The following PLA2G6 variants were observed in gnomAD, a reference collection of about 807,000 sequenced individuals.
PLA2G6 encodes the protein 85/88 kDa calcium-independent phospholipase A2.
PLA2G6 carries 62 observed loss-of-function variants against 83.8 expected under a neutral mutation model. The ratio of observed to expected loss-of-function variants is 0.74; its 90% CI spans 0.60 to 0.91. The LOEUF (loss-of-function observed/expected upper bound fraction) is 0.91, where lower values mean the gene tolerates loss of function less well. Ranked by LOEUF, PLA2G6 falls within the 40% of genes least tolerant of loss-of-function variation. The probability of loss-of-function intolerance (pLI) is 0.00; values close to 1 mark genes in which losing one functional copy is unlikely to be tolerated. For synonymous variants in PLA2G6, 417 were observed against 449.8 expected (o/e 0.93, Z 0.92); for missense variants, 944 against 1,102.0 (o/e 0.86, Z 2.03).
intron 5 of PLA2G6, chr22:38,138,805 G>C (rs1296584181): frequency 6.6e-6 from 1 of 152,082 alleles, no homozygotes; most frequent in Non-Finnish European, 1.5e-5. Flanking sequence ...GAGTAGCTGG[G>C]ACTACAGGCA....
chr22:38,127,418 C>T (rs1483498670), intron 9 of PLA2G6: 11 of 1,327,134 alleles, frequency 8.3e-6, no homozygotes, highest in Middle Eastern at 2.1e-4. Context: ...CATCTGACGC[C>T]GCACCCCAGG....
chr22:38,167,505 G>A lies in PLA2G6; in HGVS notation c.209+1713C>T, dbSNP rs138613303. Among the ~76,000 whole-genome samples the A allele has an allele frequency of 1.2e-3, 176 of 151,354 alleles. No homozygotes were observed. The Middle Eastern group carries it at 0.024, about 21-fold the overall frequency. On this transcript the variant is annotated intron_variant, in intron 2 of 16. Transcript: ENST00000332509. ...GTCCAGCTCTCCAAGGAGTGGACCC[G>A]CTGCCCTGGTCAGCTGTGCCTGCAG...
rs755076805 is a variant in PLA2G6, at chr22:38,143,251, G to C, written c.463C>G (p.Pro155Ala). The C allele has an allele frequency of 6.2e-7, 1 of 1,613,994 alleles. No homozygotes were observed. The highest frequency in any genetic ancestry group is 8.5e-7 in the Non-Finnish European group (1 of 1,180,038). The stretch of plus-strand genomic sequence containing the variant: ...CCCTTGCGGCAGGCCAGGTGCAGGG[G>C]TGTGCAGCCCTCCTCGTTCTCCGCG... Reference protein sequence around the residue: ...NCAENEEGCTPLHLACRKGDG... With the variant: ...NCAENEEGCTALHLACRKGDG... Residue 155 changes from proline (P) to alanine (A), a missense_variant, in exon 4 of 17, where the codon CCC becomes GCC. Pro to Ala is a conservative substitution (Grantham distance 27). Coordinates refer to ENST00000332509, the MANE Select transcript of PLA2G6 (RefSeq NM_003560.4).
intron 11 of PLA2G6, among the ~76,000 whole-genome samples, chr22:38,121,590 G>A (rs373077427): frequency 2.0e-5 from 3 of 152,152 alleles, no homozygotes; most frequent in African/African-American, 7.2e-5. Context: ...CACTTCCCCC[G>A]TGAGGCAGTG....
Position 38,145,645 on chromosome 22 carries a change from T to TG in PLA2G6, c.217dup (p.Gln73ProfsTer7), listed in dbSNP as rs759232937. 6.2e-7 allele frequency: 1 copy of TG among 1,610,650 alleles called. No homozygotes were observed. The highest frequency in any genetic ancestry group is 1.7e-5 in the Admixed American group (1 of 59,608). ...TAGGGCGTCAGCCTCCAACTCCAGC[T>TG]GGAAGAGTCTGTAGAGCCAGGACAG... On this transcript the variant is annotated frameshift_variant, in exon 3 of 17. Transcript: ENST00000332509. LOFTEE classifies it high-confidence loss of function.
intron 8 of PLA2G6, 51 bp downstream of exon 8, chr22:38,129,403 G>A: frequency 7.8e-7 from 1 of 1,280,120 alleles, no homozygotes; most frequent in South Asian, 1.2e-5. Flanking sequence ...CTCGGTCCCT[G>A]TATCCACCCA....
In PLA2G6 at chr22:38,172,697, C is replaced by A. The variant is rs759951395; in HGVS notation, c.-45-3226G>T. 2.6e-4 allele frequency among the ~76,000 whole-genome samples: 40 copies of A among 152,150 alleles called. 1 individual carries two copies. The highest frequency in any genetic ancestry group is 1.8e-3 in the Admixed American group (28 of 15,268). On this transcript the variant is annotated intron_variant, in intron 1 of 16. Coordinates refer to ENST00000332509, the MANE Select transcript of PLA2G6 (RefSeq NM_003560.4). ...CCCCGAGGACGGGCCCACAGGGACG[C>A]GGAGGGGTGCGCCCAGGAAGGGCAG...
intron 1 of PLA2G6, among the ~76,000 whole-genome samples, chr22:38,175,679 G>A (rs565957175): frequency 1.3e-5 from 2 of 152,028 alleles, no homozygotes; most frequent in East Asian, 1.9e-4. Flanking sequence ...ATTCATACCC[G>A]CACCTCCGCC....
At chr22:38,157,641 G>A (rs2089836358) in intron 2 of PLA2G6, among the ~76,000 whole-genome samples, 1 of 152,062 alleles carries the variant, frequency 6.6e-6, no homozygotes, top group Non-Finnish European at 1.5e-5. Flanking sequence ...ACCAGACAAA[G>A]ACATATAAAA....
At chr22:38,113,364 A>G (rs2086996768) in intron 15 of PLA2G6, 123 bp downstream of exon 15, 7 of 961,454 alleles carry the variant, frequency 7.3e-6, no homozygotes, top group Middle Eastern at 6.2e-4. Context: ...CCAGCTGGCT[A>G]AAGGCGATGG....
chr22:38,180,875 C>T (rs1455142184), intron 1 of PLA2G6, among the ~76,000 whole-genome samples: 3 of 145,710 alleles, frequency 2.1e-5, no homozygotes, highest in Non-Finnish European at 3.0e-5. Context: ...AAAAACAATG[C>T]ATTCAAAAAC....
rs1188401671 is a variant in PLA2G6, at chr22:38,145,554, G to A, written c.309C>T (p.His103=). 1 of 1,613,020 alleles carries A rather than the reference G, an allele frequency of 6.2e-7. No homozygotes were observed. Among genetic ancestry groups the A allele is most frequent in the Non-Finnish European group, 8.5e-7 (1 of 1,179,128 alleles). The stretch of plus-strand genomic sequence containing the variant: ...CGGTCAGGTGCTGCAGGACCTCAGT[G>A]TGCAGGACCTGAGGGGAGCTCTCAT... ...PFYESSPQVL[H]TEVLQHLTDL... is the part of the protein sequence containing the mutation. The change falls in exon 3 of 17, where the codon CAC becomes CAT. Residue 103 remains histidine, a synonymous_variant. Coordinates refer to ENST00000332509, the MANE Select transcript of PLA2G6 (RefSeq NM_003560.4).
intron 3 of PLA2G6, chr22:38,144,335 A>G (rs2089105156): frequency 1.3e-5 from 2 of 152,042 alleles, no homozygotes; most frequent in South Asian, 4.2e-4. Flanking sequence ...TCTCTCTAGA[A>G]TGATGATACC....
chr22:38,160,470 T>C (rs2089965448), intron 2 of PLA2G6, among the ~76,000 whole-genome samples: 2 of 152,178 alleles, frequency 1.3e-5, no homozygotes, highest in African/African-American at 4.8e-5. Context: ...AATGGAATTC[T>C]ATTGCAATGA....
intron 5 of PLA2G6, 85 bp downstream of exon 5, chr22:38,139,897 G>A: frequency 9.2e-7 from 1 of 1,092,690 alleles, no homozygotes; most frequent in South Asian, 1.3e-5. Context: ...ATCTATGGTG[G>A]ATACTGCTTG....
At chr22:38,145,918 G>T in intron 2 of PLA2G6, 1 of 475,432 alleles carries the variant, frequency 2.1e-6, no homozygotes, top group Non-Finnish European at 3.9e-6. Context: ...CTGTAACCCA[G>T]GCTGGGGTGC....
At chr22:38,148,632 A>C in intron 2 of PLA2G6, 1 of 701,718 alleles carries the variant, frequency 1.4e-6, no homozygotes, top group Non-Finnish European at 2.6e-6. Context: ...GTCTGCCAAG[A>C]GGAGAGCCCT....
At chr22:38,156,723 G>A (rs1354079706) in intron 2 of PLA2G6, among the ~76,000 whole-genome samples, 4 of 152,084 alleles carry the variant, frequency 2.6e-5, no homozygotes, top group African/African-American at 9.7e-5. Context: ...AAAGCGCTGG[G>A]ATTACAAGCA....
intron 1 of PLA2G6, among the ~76,000 whole-genome samples, chr22:38,169,852 A>G (rs1569300866): frequency 6.6e-6 from 1 of 152,204 alleles, no homozygotes; most frequent in Non-Finnish European, 1.5e-5. Context: ...GCCCTGGGCA[A>G]ATGGAGGGTT....
Sources: gnomAD v4.1 joint callset for allele counts (sites outside exome capture counted in the v4.1 genomes callset) on GRCh38, gnomAD v4.1.1 for gene constraint, MANE v1.5 for transcripts, NCBI Gene and HGNC (gene_info 2026-07-23, HGNC 2026-07-21) for gene names.